The following DGKB variants were observed in gnomAD, a reference collection of about 807,000 sequenced individuals.
DGKB encodes diacylglycerol kinase beta.
In DGKB, 67 loss-of-function variants were observed where a neutral mutation model predicts 114.3. The observed-to-expected ratio is 0.59, with a 90% confidence interval of 0.48 to 0.72. The LOEUF (loss-of-function observed/expected upper bound fraction) is 0.72. Among genes scored for constraint, DGKB ranks in the 30% least tolerant of loss-of-function variants. DGKB has a pLI of 0.00. For synonymous variants in DGKB, 398 were observed against 323.1 expected, an observed-to-expected ratio of 1.23 and a Z score of -2.49; for missense variants, 907 against 975.2, an observed-to-expected ratio of 0.93 and a Z score of 0.93.
At chr7:14,502,454 G>T (rs1786347618) in intron 20 of DGKB, among the ~76,000 whole-genome samples, 2 of 151,964 alleles carry the variant, frequency 1.3e-5, no homozygotes, top group Non-Finnish European at 2.9e-5. Flanking sequence ...AAAATAAAAT[G>T]GCTGTTTAAA....
intron 23 of DGKB, among the ~76,000 whole-genome samples, chr7:14,255,487 C>A (rs182373355): frequency 1.3e-5 from 2 of 152,236 alleles, no homozygotes; most frequent in African/African-American, 2.4e-5. Flanking sequence ...AATAAGAATT[C>A]TTGAAATCTT....
intron 14 of DGKB, among the ~76,000 whole-genome samples, chr7:14,628,660 A>G (rs1276719763): frequency 1.3e-5 from 2 of 152,050 alleles, no homozygotes; most frequent in Non-Finnish European, 2.9e-5. Context: ...CTTTAACCAC[A>G]TTTTCCGTTA....
chr7:14,924,570 G>C (rs753422919), intron 1 of DGKB, among the ~76,000 whole-genome samples: 1 of 152,054 alleles, frequency 6.6e-6, no homozygotes, highest in African/African-American at 2.4e-5. Context: ...CATTCTTGAT[G>C]ACTTGGTCAG....
At chr7:14,659,447 C>T (rs1474657728) in intron 13 of DGKB, among the ~76,000 whole-genome samples, 1 of 151,620 alleles carries the variant, frequency 6.6e-6, no homozygotes, top group Non-Finnish European at 1.5e-5. Context: ...AGGTCCTTCA[C>T]ATCCCTTGTA....
chr7:14,811,717 T>A (rs1843457204), intron 2 of DGKB, among the ~76,000 whole-genome samples: 1 of 152,028 alleles, frequency 6.6e-6, no homozygotes, highest in Non-Finnish European at 1.5e-5. Context: ...ATTTATCCTG[T>A]CACTAGAGTT....
At chr7:14,941,238 A>C (rs188094324) in intron 1 of DGKB, among the ~76,000 whole-genome samples, 23 of 152,234 alleles carry the variant, frequency 1.5e-4, no homozygotes, top group Non-Finnish European at 2.8e-4. Flanking sequence ...GCTTGCAAAA[A>C]AAATAAATTA....
chr7:14,851,095 G>A (rs1406478908), intron 1 of DGKB, among the ~76,000 whole-genome samples: 1 of 152,134 alleles, frequency 6.6e-6, no homozygotes, highest in African/African-American at 2.4e-5. Flanking sequence ...GCTTTTATTA[G>A]TAGAATTGAA....
chr7:14,583,009 T>C, intron 18 of DGKB, 43 bp downstream of exon 18: 1 of 1,228,540 alleles, frequency 8.1e-7, no homozygotes, highest in Non-Finnish European at 1.2e-6. Flanking sequence ...GATTTAAAGC[T>C]ATTGCTCTCT....
intron 23 of DGKB, among the ~76,000 whole-genome samples, chr7:14,284,475 T>A (rs530654845): frequency 1.3e-4 from 19 of 145,366 alleles, no homozygotes; most frequent in African/African-American, 5.1e-4. Context: ...GATCTAGAAC[T>A]AGAAATACCA....
At chr7:14,536,400 C>T (rs1043025602) in intron 20 of DGKB, among the ~76,000 whole-genome samples, 6 of 152,036 alleles carry the variant, frequency 3.9e-5, no homozygotes, top group African/African-American at 1.4e-4. Context: ...AACCTGGATG[C>T]AAAAATCATC....
At position 14,580,862 on chromosome 7, in the gene DGKB, C is replaced by G; in HGVS notation, c.1609G>C (p.Gly537Arg). Reference protein sequence around the residue: ...DLARCLRWGGGYEGENLMKIL... With the variant: ...DLARCLRWGGRYEGENLMKIL... Reference sequence around the variant, plus strand: ...GCTTTTGTTGTTGCAGCTGCTTTACCTCCTCCCCATCGCAGGCATCTTGCT... The same window carrying G: ...GCTTTTGTTGTTGCAGCTGCTTTACGTCCTCCCCATCGCAGGCATCTTGCT... The change falls in exon 19 of 26, where the codon GGT (glycine) becomes CGT (arginine). Residue 537 changes from glycine to arginine, a missense_variant and splice_region_variant. By Grantham distance (125) the Gly-to-Arg change is moderately radical. This residue lies in a region of DGKB where 814 missense variants were observed against 856.6 expected (regional missense o/e 0.95). Transcript: ENST00000402815. 3 of 1,597,878 alleles carry G rather than the reference C, an allele frequency of 1.9e-6. No individual in the cohort carries two copies. The highest frequency in any genetic ancestry group is 2.6e-6 in the Non-Finnish European group (3 of 1,169,650).
At chr7:14,915,381 G>A (rs192302211) in intron 1 of DGKB, among the ~76,000 whole-genome samples, 69 of 152,048 alleles carry the variant, frequency 4.5e-4, no homozygotes, top group African/African-American at 1.6e-3. Flanking sequence ...TGACCCTAAC[G>A]CCATAAGAAA....
intron 1 of DGKB, among the ~76,000 whole-genome samples, chr7:14,926,190 A>ACAT: frequency 6.6e-6 from 1 of 152,050 alleles, no homozygotes; most frequent in Non-Finnish European, 1.5e-5. Flanking sequence ...TACATTTCAT[A>ACAT]CATTTTTTTC....
intron 17 of DGKB, among the ~76,000 whole-genome samples, chr7:14,587,021 C>T (rs556667442): frequency 6.6e-6 from 1 of 152,186 alleles, no homozygotes; most frequent in South Asian, 2.1e-4. Context: ...ACTTTCAAGT[C>T]TTATTTAAAA....
chr7:14,917,955 A>G (rs1784321739), intron 1 of DGKB, among the ~76,000 whole-genome samples: 2 of 152,132 alleles, frequency 1.3e-5, no homozygotes, highest in South Asian at 2.1e-4. Flanking sequence ...TGAACATTTG[A>G]AAATCAATAA....
intron 21 of DGKB, among the ~76,000 whole-genome samples, chr7:14,350,530 T>A (rs1377320939): frequency 6.6e-6 from 1 of 152,082 alleles, no homozygotes; most frequent in Non-Finnish European, 1.5e-5. Flanking sequence ...TCATTTGTCT[T>A]ACTGTGGAAG....
chr7:14,514,808 C>A (rs750182378), intron 20 of DGKB, among the ~76,000 whole-genome samples: 7 of 152,000 alleles, frequency 4.6e-5, no homozygotes, highest in Non-Finnish European at 1.0e-4. Context: ...AATCTCAACA[C>A]ATTGGGAGGC....
intron 17 of DGKB, among the ~76,000 whole-genome samples, chr7:14,593,279 A>C (rs558110219): frequency 1.7e-4 from 26 of 152,182 alleles, no homozygotes; most frequent in African/African-American, 6.0e-4. Flanking sequence ...ACAGAAAATG[A>C]GAGAATATTT....
intron 23 of DGKB, among the ~76,000 whole-genome samples, chr7:14,192,976 G>T (rs1204535366): frequency 6.6e-6 from 1 of 152,048 alleles, no homozygotes; most frequent in East Asian, 1.9e-4. Context: ...ACTCCTATGA[G>T]AATCTAATGC....
Sources: gnomAD v4.1 joint callset for allele counts (sites outside exome capture counted in the v4.1 genomes callset) on GRCh38, gnomAD v4.1.1 for gene constraint, gnomAD v4.1.1 regional missense constraint, MANE v1.5 for transcripts, NCBI Gene and HGNC (gene_info 2026-07-23, HGNC 2026-07-21) for gene names.